Variants in WIPF2 observed in about 807,000 individuals in gnomAD.
The protein encoded by WIPF2 is WAS/WASL-interacting protein family member 2.
WIPF2 carries 23 observed loss-of-function variants against 38.8 expected under a neutral mutation model. The observed-to-expected ratio is 0.59, with a 90% confidence interval of 0.43 to 0.84. WIPF2 has a LOEUF of 0.84. Among genes scored for constraint, WIPF2 ranks in the 40% least tolerant of loss-of-function variants. The probability of loss-of-function intolerance (pLI) is 0.00; values close to 1 mark genes in which losing one functional copy is unlikely to be tolerated. For synonymous variants in WIPF2, 210 were observed against 223.2 expected, an observed-to-expected ratio of 0.94 and a Z score of 0.53; for missense variants, 574 against 580.5, an observed-to-expected ratio of 0.99 and a Z score of 0.11.
chr17:40,267,385 C>T (rs150148216), intron 5 of WIPF2, among the ~76,000 whole-genome samples: 17 of 152,138 alleles, frequency 1.1e-4, no homozygotes, highest in African/African-American at 2.6e-4. Context: ...TGTGTAATCT[C>T]GTTATAATTA....
At chr17:40,251,096 A>T (rs185591451) in intron 1 of WIPF2, among the ~76,000 whole-genome samples, 10 of 151,794 alleles carry the variant, frequency 6.6e-5, no homozygotes, top group Non-Finnish European at 1.0e-4. Context: ...TATGTTTCTT[A>T]GTAGAGACGG....
chr17:40,268,453 TAGA>T (rs951378236), intron 5 of WIPF2, among the ~76,000 whole-genome samples: 3 of 152,158 alleles, frequency 2.0e-5, no homozygotes, highest in South Asian at 2.1e-4. Context: ...CATCCAGGAA[TAGA>T]AGAAGAGAAA....
intron 1 of WIPF2, among the ~76,000 whole-genome samples, chr17:40,235,011 T>C (rs1392385177): frequency 6.6e-6 from 1 of 151,888 alleles, no homozygotes; most frequent in African/African-American, 2.4e-5. Flanking sequence ...CTCTGCCTCC[T>C]GGGTTCACGC....
chr17:40,220,605 ATATATATATATATG>A (rs1224904787), intron 1 of WIPF2: 21 of 116,312 alleles, frequency 1.8e-4, no homozygotes, highest in Admixed American at 1.7e-3. Flanking sequence ...ATATATATAT[ATATATATATATATG>A]TATATATATA....
intron 5 of WIPF2, among the ~76,000 whole-genome samples, chr17:40,272,742 C>T (rs1333143628): frequency 1.3e-5 from 2 of 152,172 alleles, no homozygotes; most frequent in African/African-American, 4.8e-5. Flanking sequence ...TTGGTTTATT[C>T]AGCAAACATT....
At chr17:40,232,115 C>T (rs1356571462) in intron 1 of WIPF2, among the ~76,000 whole-genome samples, 6 of 146,108 alleles carry the variant, frequency 4.1e-5, no homozygotes, top group South Asian at 2.2e-4. Flanking sequence ...TGGGCTCAAG[C>T]GATCTTCCCA....
rs999668756 is a variant in WIPF2, at chr17:40,283,216, C to G, written c.*4991C>G. 2.2e-5 allele frequency: 3 copies of G among 138,178 alleles called. No homozygotes were observed. The highest frequency in any genetic ancestry group is 8.1e-5 in the African/African-American group (3 of 37,106). The allele number at this position is 138,178 out of a possible 1,614,324, so 8.6% of individuals were successfully genotyped here. On this transcript the variant is annotated 3_prime_UTR_variant, in exon 8 of 8. Coordinates refer to ENST00000323571, the MANE Select transcript of WIPF2 (RefSeq NM_133264.5). ...AATTCTAGAGTTCTAGTTACCCTTC[C>G]TGGGAGATTCTGATGGTCCTTATTT... is the stretch of plus-strand genomic sequence containing the variant.
chr17:40,267,369 A>G (rs376795104), intron 5 of WIPF2, among the ~76,000 whole-genome samples: 2 of 152,160 alleles, frequency 1.3e-5, no homozygotes, highest in South Asian at 4.1e-4. Flanking sequence ...TGGAAAAAGA[A>G]GAGGTTGTGT....
At chr17:40,230,019 G>T (rs2030673829) in intron 1 of WIPF2, among the ~76,000 whole-genome samples, 1 of 152,142 alleles carries the variant, frequency 6.6e-6, no homozygotes, top group Non-Finnish European at 1.5e-5. Context: ...AGGAGGCAAG[G>T]CTTCAGAATG....
chr17:40,255,672 A>G (rs2031701668), intron 1 of WIPF2, among the ~76,000 whole-genome samples: 2 of 136,136 alleles, frequency 1.5e-5, no homozygotes, highest in African/African-American at 5.6e-5. Flanking sequence ...TCTGTCATCC[A>G]GGCTGGAGTG....
At chr17:40,250,691 A>G (rs1405839676) in intron 1 of WIPF2, among the ~76,000 whole-genome samples, 1 of 152,022 alleles carries the variant, frequency 6.6e-6, no homozygotes, top group Non-Finnish European at 1.5e-5. Flanking sequence ...CTAATTTAAT[A>G]GATCAGAAAG....
At chr17:40,251,463 G>A (rs1203257191) in intron 1 of WIPF2, among the ~76,000 whole-genome samples, 3 of 152,062 alleles carry the variant, frequency 2.0e-5, no homozygotes, top group Non-Finnish European at 4.4e-5. Context: ...TTCAGGGAAA[G>A]GAAAGTTGTT....
chr17:40,279,868 A>AT lies in WIPF2; in HGVS notation c.*1643_*1644insT, dbSNP rs1343264418. The AT allele has an allele frequency of 3.3e-5, 5 of 152,052 alleles. No homozygotes were observed. Among genetic ancestry groups the AT allele is most frequent in the African/African-American group, 9.7e-5 (4 of 41,284 alleles). 9.4% of individuals were successfully genotyped at this position (152,052 alleles called of 1,614,324 possible). On this transcript the variant is annotated 3_prime_UTR_variant, in exon 8 of 8. Coordinates refer to ENST00000323571, the MANE Select transcript of WIPF2 (RefSeq NM_133264.5). Reference sequence around the variant, plus strand: ...CCGTCTCAAAAAAAAAAAAAAAAAAAAAATTTAATCACACACATCACAGGC... The same window carrying AT: ...CCGTCTCAAAAAAAAAAAAAAAAAAATAAATTTAATCACACACATCACAGGC...
intron 7 of WIPF2, 139 bp downstream of exon 7, chr17:40,277,323 T>TATAC: frequency 1.6e-6 from 1 of 629,042 alleles, no homozygotes; most frequent in Non-Finnish European, 2.6e-6. Flanking sequence ...CCAAGGTGGG[T>TATAC]GGATCACGAG....
rs562648959 is a variant in WIPF2 at position 40,239,297 on chromosome 17, T to G, written c.-69-17094T>G. On this transcript the variant is annotated intron_variant, in intron 1 of 7. Coordinates refer to ENST00000323571, the MANE Select transcript of WIPF2 (RefSeq NM_133264.5). Reference sequence around the variant, plus strand: ...TGTGTTAGCCAGGATGGTCTCGATCTCCTGACCTCGTGATCCGCCCCCTTC... The same window carrying G: ...TGTGTTAGCCAGGATGGTCTCGATCGCCTGACCTCGTGATCCGCCCCCTTC... Among the ~76,000 whole-genome samples, 4 of 152,034 alleles carry G rather than the reference T, an allele frequency of 2.6e-5. No individual in the cohort carries two copies. The East Asian group carries it at 7.8e-4, about 29-fold the overall frequency.
chr17:40,243,868 T>C lies in WIPF2; in HGVS notation c.-69-12523T>C, dbSNP rs534422224. On this transcript the variant is annotated intron_variant, in intron 1 of 7. Coordinates refer to ENST00000323571, the MANE Select transcript of WIPF2 (RefSeq NM_133264.5). The stretch of plus-strand genomic sequence containing the variant: ...ATGATGGTTATGTGATTTTTTTTAT[T>C]ACTTGTTGGATCAGTCAGATTTGCT... Among the ~76,000 whole-genome samples the C allele has an allele frequency of 7.7e-4, 117 of 152,240 alleles. 2 individuals carry two copies. Among genetic ancestry groups the C allele is most frequent in the Admixed American group, 6.7e-3 (103 of 15,266 alleles).
At chr17:40,228,702 C>T (rs1265369571) in intron 1 of WIPF2, among the ~76,000 whole-genome samples, 1 of 151,736 alleles carries the variant, frequency 6.6e-6, no homozygotes, top group African/African-American at 2.4e-5. Flanking sequence ...AAACATGGTT[C>T]ATTGTAGCCT....
Position 40,256,528 on chromosome 17 carries a change from T to C in WIPF2, c.63+6T>C. ...CACCTCCCACATTTCATCAGGTAGGTAGTCCTTCCATTAGGCTATCTCAAA... is the reference window on the plus strand; with the variant it reads ...CACCTCCCACATTTCATCAGGTAGGCAGTCCTTCCATTAGGCTATCTCAAA... On this transcript the variant is annotated splice_donor_region_variant and intron_variant, in intron 2 of 7. Coordinates refer to ENST00000323571, the MANE Select transcript of WIPF2 (RefSeq NM_133264.5). 1 of 1,601,888 alleles carries C rather than the reference T, an allele frequency of 6.2e-7. No individual in the cohort carries two copies. Among genetic ancestry groups the C allele is most frequent in the East Asian group, 2.3e-5 (1 of 43,622 alleles).
chr17:40,241,444 C>G (rs545613879), intron 1 of WIPF2, among the ~76,000 whole-genome samples: 2 of 152,164 alleles, frequency 1.3e-5, no homozygotes, highest in African/African-American at 2.4e-5. Flanking sequence ...TAGCTTTGGT[C>G]TGGATTTCTG....
Sources: allele counts gnomAD v4.1 joint callset (sites outside exome capture counted in the v4.1 genomes callset), GRCh38; gene constraint gnomAD v4.1.1; transcripts MANE v1.5; gene names NCBI Gene and HGNC (gene_info 2026-07-23, HGNC 2026-07-21).